LIN7A: variants seen among roughly 807,000 people sequenced by gnomAD.
LIN7A encodes protein lin-7 homolog A.
In LIN7A, 25 loss-of-function variants were observed where a neutral mutation model predicts 29.8. The ratio of observed to expected loss-of-function variants is 0.84; its 90% CI spans 0.61 to 1.17. The LOEUF (loss-of-function observed/expected upper bound fraction) is 1.17, where lower values mean the gene tolerates loss of function less well. Among genes scored for constraint, LIN7A ranks in the 50% most tolerant of loss-of-function variants. LIN7A has a pLI of 0.00. For synonymous variants in LIN7A, 118 were observed against 107.5 expected (o/e 1.10, Z -0.60); for missense variants, 239 against 287.0 (o/e 0.83, Z 1.21).
At chr12:80,864,103 T>C (rs1874016251) in intron 2 of LIN7A, among the ~76,000 whole-genome samples, 1 of 152,116 alleles carries the variant, frequency 6.6e-6, no homozygotes, top group African/African-American at 2.4e-5. Context: ...TCTATAGAAG[T>C]CTCAAAAGAC....
chr12:80,909,027 C>T (rs547062759), intron 1 of LIN7A, among the ~76,000 whole-genome samples: 1 of 151,950 alleles, frequency 6.6e-6, no homozygotes, highest in African/African-American at 2.4e-5. Context: ...TATATTTAAC[C>T]TAGGCAGTTT....
chr12:80,910,666 G>C (rs1290045498), intron 1 of LIN7A, among the ~76,000 whole-genome samples: 1 of 152,026 alleles, frequency 6.6e-6, no homozygotes, highest in East Asian at 1.9e-4. Context: ...AAATTATTTG[G>C]ATTGATTTAA....
intron 2 of LIN7A, among the ~76,000 whole-genome samples, chr12:80,868,247 A>G (rs1425624407): frequency 1.3e-5 from 2 of 152,214 alleles, no homozygotes; most frequent in Non-Finnish European, 2.9e-5. Context: ...GCCCAAGGAT[A>G]AAGAGACATC....
At chr12:80,872,080 T>G (rs993206580) in intron 2 of LIN7A, among the ~76,000 whole-genome samples, 1 of 152,064 alleles carries the variant, frequency 6.6e-6, no homozygotes, top group East Asian at 1.9e-4. Flanking sequence ...GACACTTCAA[T>G]TTTTTTTCTT....
chr12:80,834,359 A>G (rs1872517441), intron 4 of LIN7A, among the ~76,000 whole-genome samples: 1 of 152,204 alleles, frequency 6.6e-6, no homozygotes, highest in Admixed American at 6.5e-5. Context: ...ATATTTACAC[A>G]GTTGGTGATA....
intron 1 of LIN7A, among the ~76,000 whole-genome samples, chr12:80,906,646 C>A (rs1034560095): frequency 4.6e-5 from 7 of 151,884 alleles, no homozygotes; most frequent in African/African-American, 1.7e-4. Context: ...AAGAAGGGAA[C>A]ATTAGACACC....
intron 3 of LIN7A, among the ~76,000 whole-genome samples, chr12:80,847,851 A>T (rs1307432090): frequency 6.6e-6 from 1 of 152,200 alleles, no homozygotes; most frequent in Non-Finnish European, 1.5e-5. Flanking sequence ...AGTGGGTGTC[A>T]GGTGAATTCT....
chr12:80,912,385 T>G (rs1876794286), intron 1 of LIN7A, among the ~76,000 whole-genome samples: 1 of 152,138 alleles, frequency 6.6e-6, no homozygotes, highest in African/African-American at 2.4e-5. Context: ...AAAATCAGTG[T>G]GGCTATTCTT....
chr12:80,922,261 T>A (rs1422832675), intron 1 of LIN7A, among the ~76,000 whole-genome samples: 1 of 152,206 alleles, frequency 6.6e-6, no homozygotes, highest in Non-Finnish European at 1.5e-5. Context: ...ATTTTAATGA[T>A]GTTGGATAAG....
intron 1 of LIN7A, among the ~76,000 whole-genome samples, chr12:80,906,475 T>C (rs1220454140): frequency 6.6e-6 from 1 of 152,132 alleles, no homozygotes; most frequent in Non-Finnish European, 1.5e-5. Context: ...TTTGAGTTTA[T>C]GGTTTTTCTT....
chr12:80,935,874 C>A, intron 1 of LIN7A: 1 of 433,758 alleles, frequency 2.3e-6, no homozygotes. Flanking sequence ...AGCACCTCCT[C>A]TCATCAACCG....
At chr12:80,912,180 C>T (rs556870863) in intron 1 of LIN7A, among the ~76,000 whole-genome samples, 20 of 152,204 alleles carry the variant, frequency 1.3e-4, no homozygotes, top group African/African-American at 4.8e-4. Flanking sequence ...CTTTATCTGA[C>T]ATTTCCATAA....
chr12:80,892,362 G>A (rs1366552990), intron 1 of LIN7A, among the ~76,000 whole-genome samples: 1 of 152,180 alleles, frequency 6.6e-6, no homozygotes, highest in East Asian at 1.9e-4. Flanking sequence ...AGAGGTCTAT[G>A]TCTGTGTGAA....
Position 80,800,539 on chromosome 12 carries a change from C to G in LIN7A, c.*1-2813G>C, listed in dbSNP as rs939846037. On this transcript the variant is annotated intron_variant, in intron 5 of 5. Coordinates refer to ENST00000552864, the MANE Select transcript of LIN7A (RefSeq NM_004664.4). ...AAAAAAGACACAATCTGCTAAAACT[C>G]ACATGAGAAGAAATAGACAATTTGA... 1.2e-4 allele frequency among the ~76,000 whole-genome samples: 16 copies of G among 129,780 alleles called. 1 individual carries two copies. The highest frequency in any genetic ancestry group is 7.6e-4 in the Admixed American group (10 of 13,192). The allele number at this position is 129,780 out of a possible 152,430, so 85.1% of individuals were successfully genotyped here.
intron 2 of LIN7A, among the ~76,000 whole-genome samples, chr12:80,865,327 G>A (rs1156899636): frequency 6.6e-6 from 1 of 151,816 alleles, no homozygotes; most frequent in Non-Finnish European, 1.5e-5. Context: ...TAAAAAAAAG[G>A]TTTGTTTTTT....
At chr12:80,826,878 CA>C (rs1209412687) in intron 4 of LIN7A, among the ~76,000 whole-genome samples, 2 of 152,126 alleles carry the variant, frequency 1.3e-5, no homozygotes, top group African/African-American at 4.8e-5. Context: ...GTAGAAAGAA[CA>C]CAACTATGAT....
At chr12:80,827,718 C>G (rs1021167910) in intron 4 of LIN7A, among the ~76,000 whole-genome samples, 20 of 152,084 alleles carry the variant, frequency 1.3e-4, no homozygotes, top group African/African-American at 4.8e-4. Flanking sequence ...CCTTCCTCCA[C>G]TCTGTTTTAA....
At chr12:80,799,355 T>G (rs1208621837) in intron 5 of LIN7A, among the ~76,000 whole-genome samples, 1 of 152,250 alleles carries the variant, frequency 6.6e-6, no homozygotes, top group Non-Finnish European at 1.5e-5. Flanking sequence ...AGAGCCATTG[T>G]GGTAGGCAGA....
chr12:80,922,095 G>T (rs1437988214), intron 1 of LIN7A, among the ~76,000 whole-genome samples: 1 of 152,120 alleles, frequency 6.6e-6, no homozygotes, highest in African/African-American at 2.4e-5. Flanking sequence ...CCTATGCTTA[G>T]GTTAAAAATG....
Sources: gnomAD v4.1 joint callset for allele counts (sites outside exome capture counted in the v4.1 genomes callset) on GRCh38, gnomAD v4.1.1 for gene constraint, MANE v1.5 for transcripts, NCBI Gene and HGNC (gene_info 2026-07-23, HGNC 2026-07-21) for gene names.